Variants in PCDHGA7 observed in about 807,000 individuals in gnomAD.
PCDHGA7 encodes the protein protocadherin gamma-A7.
A neutral mutation model predicts 58.3 loss-of-function variants in PCDHGA7; 44 were observed. The ratio of observed to expected loss-of-function variants is 0.75; its 90% CI spans 0.59 to 0.97. PCDHGA7 has a LOEUF of 0.97. Among genes scored for constraint, PCDHGA7 ranks in the 50% least tolerant of loss-of-function variants. The probability of loss-of-function intolerance (pLI) is 0.00; values close to 1 mark genes in which losing one functional copy is unlikely to be tolerated. For synonymous variants in PCDHGA7, 516 were observed against 504.2 expected (o/e 1.02, Z -0.31); for missense variants, 1,266 against 1,188.7 (o/e 1.06, Z -0.96).
chr5:141,419,391 G>A, intron 1 of PCDHGA7: 1 of 1,613,630 alleles, frequency 6.2e-7, no homozygotes. Flanking sequence ...AGCGCGCAGA[G>A]CGGGGTGGTG....
intron 1 of PCDHGA7, chr5:141,389,822 C>T (rs1253797821): frequency 1.2e-6 from 2 of 1,613,932 alleles, no homozygotes; most frequent in Non-Finnish European, 1.7e-6. Flanking sequence ...CCGTGCGTGA[C>T]GGTGGACAGC....
chr5:141,445,621 G>A (rs1216813961), intron 1 of PCDHGA7, among the ~76,000 whole-genome samples: 4 of 151,996 alleles, frequency 2.6e-5, no homozygotes, highest in African/African-American at 7.2e-5. Flanking sequence ...TCTTTTTTTC[G>A]GAAAGTGATA....
intron 2 of PCDHGA7, among the ~76,000 whole-genome samples, chr5:141,498,848 G>T (rs930895553): frequency 6.6e-6 from 1 of 151,908 alleles, no homozygotes; most frequent in African/African-American, 2.4e-5. Context: ...CAGGGGAATC[G>T]CTTGAACCCA....
In PCDHGA7 at chr5:141,399,219, G is replaced by A. The variant is rs775267424; in HGVS notation, c.2424+13896G>A. The A allele has an allele frequency of 2.5e-6, 4 of 1,613,924 alleles. No homozygotes were observed. The South Asian group carries it at 3.3e-5, about 13-fold the overall frequency. On this transcript the variant is annotated intron_variant, in intron 1 of 3. Coordinates refer to ENST00000518325, the MANE Select transcript of PCDHGA7 (RefSeq NM_018920.4). Reference sequence around the variant, plus strand: ...CGGTGCCTGGAACACTAATTGCTTTGATCAAAATACATGACCAAGATTCTG... The same window carrying A: ...CGGTGCCTGGAACACTAATTGCTTTAATCAAAATACATGACCAAGATTCTG...
rs934044974 is a variant in PCDHGA7, at chr5:141,476,034, C to T, written c.2425-18773C>T. 3 of 1,464,488 alleles carry T rather than the reference C, an allele frequency of 2.0e-6. No individual in the cohort carries two copies. The highest frequency in any genetic ancestry group is 2.3e-5 in the Admixed American group (1 of 44,364). The allele number at this position is 1,464,488 out of a possible 1,614,324, so 90.7% of individuals were successfully genotyped here. A position where few individuals can be genotyped will look rare whatever the true frequency, so the allele number is the denominator to read the frequency against. On this transcript the variant is annotated intron_variant, in intron 1 of 3. Transcript: ENST00000518325. The surrounding 1 kb of genome is among the most constrained non-coding windows in gnomAD (Gnocchi z 7.6). ...CCATGTCGGACTCGGCGCCCAGCGC[C>T]CAAGCGCTAACCCGCTGAAAGTTTC...
intron 1 of PCDHGA7, 41 bp from the exon 2 acceptor site, chr5:141,494,766 C>T (rs1017994327): frequency 6.2e-7 from 1 of 1,614,038 alleles, no homozygotes; most frequent in Non-Finnish European, 8.5e-7. Flanking sequence ...ATTCTAACTT[C>T]TCACGGGTAC....
chr5:141,394,837 T>G lies in PCDHGA7; in HGVS notation c.2424+9514T>G, dbSNP rs993988817. 198 of 1,613,706 alleles carry G rather than the reference T, an allele frequency of 1.2e-4. No homozygotes were observed. The highest frequency in any genetic ancestry group is 1.6e-4 in the Non-Finnish European group (187 of 1,179,960). ...AGCATCCCCGAAGTCCTGACCGAGT[T>G]GGGCAGTCTGAAGCCTTCGGTCGAC... is the stretch of plus-strand genomic sequence containing the variant. On this transcript the variant is annotated intron_variant, in intron 1 of 3. Coordinates refer to ENST00000518325, the MANE Select transcript of PCDHGA7 (RefSeq NM_018920.4).
chr5:141,415,110 C>G (rs1490074484), intron 1 of PCDHGA7: 2 of 1,613,548 alleles, frequency 1.2e-6, no homozygotes, highest in East Asian at 2.2e-5. Flanking sequence ...TCAAGCAAAG[C>G]CTCGTAGTGG....
At chr5:141,398,611 A>C (rs2093677658) in intron 1 of PCDHGA7, 3 of 1,613,944 alleles carry the variant, frequency 1.9e-6, no homozygotes, top group Non-Finnish European at 2.5e-6. Flanking sequence ...AGATGCAGAT[A>C]TTGGCTTAAA....
intron 1 of PCDHGA7, chr5:141,413,440 A>G (rs4912751): frequency 0.46 from 738,760 of 1,613,878 alleles, 177,316 homozygotes; most frequent in African/African-American, 0.83. Flanking sequence ...CGGCAGCTTG[A>G]TCACCGCGGG....
At position 141,410,475 on chromosome 5, in the gene PCDHGA7, A is replaced by G. The variant is rs185995562; in HGVS notation, c.2424+25152A>G. ...TATTCTTATAATCTGTGCATTGCAC[A>G]TACGGGTACAAAAGAGTTTAATTTC... is the stretch of plus-strand genomic sequence containing the variant. On this transcript the variant is annotated intron_variant, in intron 1 of 3. Transcript: ENST00000518325. The G allele has an allele frequency of 3.7e-6, 6 of 1,614,052 alleles. No homozygotes were observed. In the South Asian group the frequency reaches 6.6e-5, roughly 18 times the overall value.
intron 1 of PCDHGA7, chr5:141,388,657 G>T (rs769160604): frequency 6.8e-6 from 11 of 1,613,878 alleles, no homozygotes; most frequent in Admixed American, 1.7e-5. Context: ...GTGTACCCGG[G>T]GACCACGGTG....
intron 1 of PCDHGA7, chr5:141,441,249 TA>T (rs981387539): frequency 6.6e-6 from 1 of 152,206 alleles, no homozygotes; most frequent in Non-Finnish European, 1.5e-5. Context: ...ACAAGATCTT[TA>T]AATCACAAGA....
intron 1 of PCDHGA7, among the ~76,000 whole-genome samples, chr5:141,397,505 T>A (rs2093531906): frequency 6.6e-6 from 1 of 152,158 alleles, no homozygotes; most frequent in South Asian, 2.1e-4. Context: ...ATGATAAAAT[T>A]GTTTCCATAG....
At chr5:141,471,571 A>G (rs1417147609) in intron 1 of PCDHGA7, 1 of 152,224 alleles carries the variant, frequency 6.6e-6, no homozygotes, top group African/African-American at 2.4e-5. Context: ...GGGTAGCAGT[A>G]GATAGGGTAA....
chr5:141,484,716 G>C (rs1375103858), intron 1 of PCDHGA7, among the ~76,000 whole-genome samples: 1 of 152,030 alleles, frequency 6.6e-6, no homozygotes, highest in African/African-American at 2.4e-5. Context: ...CGCCGAAAAG[G>C]GGCGGGGTCA....
intron 1 of PCDHGA7, chr5:141,414,279 A>G (rs1369675815): frequency 1.9e-6 from 3 of 1,613,350 alleles, no homozygotes; most frequent in Admixed American, 3.3e-5. Context: ...CTCTGGGAAC[A>G]GTCGTAGCCC....
chr5:141,387,761 A>C lies in PCDHGA7; in HGVS notation c.2424+2438A>C, dbSNP rs539874780. The C allele has an allele frequency of 9.8e-5, 139 of 1,420,618 alleles. 1 individual carries two copies. The African/African-American group carries it at 1.7e-3, about 17-fold the overall frequency. The allele number at this position is 1,420,618 out of a possible 1,614,324, so 88.0% of individuals were successfully genotyped here. A position where few individuals can be genotyped will look rare whatever the true frequency, so the allele number is the denominator to read the frequency against. On this transcript the variant is annotated intron_variant, in intron 1 of 3. Transcript: ENST00000518325. ...ACACCGCTTCCTCCTCGGAAAAAGA[A>C]GAATTTTTTCTTGAACTGGAACTGC...
rs377547144 is a variant in PCDHGA7, at chr5:141,409,030, G to A, written c.2424+23707G>A. The stretch of plus-strand genomic sequence containing the variant: ...ACCAGGATGAGGGGGTCAATGCTGA[G>A]ATAAACTACTACTTCCGAAGCACTG... On this transcript the variant is annotated intron_variant, in intron 1 of 3. Transcript: ENST00000518325. 9.9e-6 allele frequency: 16 copies of A among 1,613,892 alleles called. No homozygotes were observed. The African/African-American group carries it at 2.0e-4, about 20-fold the overall frequency.
Sources: allele counts gnomAD v4.1 joint callset (sites outside exome capture counted in the v4.1 genomes callset), GRCh38; gene constraint gnomAD v4.1.1; non-coding constraint Gnocchi (gnomAD v3.1); transcripts MANE v1.5; gene names NCBI Gene and HGNC (gene_info 2026-07-23, HGNC 2026-07-21).